Variants in PTK2 observed in about 807,000 individuals in gnomAD.
PTK2 encodes the protein protein tyrosine kinase 2, also known as focal adhesion kinase 1.
A neutral mutation model predicts 150.1 loss-of-function variants in PTK2; 45 were observed. The observed-to-expected ratio is 0.30, with a 90% CI of 0.24 to 0.38. The LOEUF is 0.38. Among genes scored for constraint, PTK2 ranks in the 10% least tolerant of loss-of-function variants. The probability of loss-of-function intolerance (pLI) is 1.00; values close to 1 mark genes in which losing one functional copy is unlikely to be tolerated. For missense variants in PTK2, 919 were observed against 1,307.3 expected, an observed-to-expected ratio of 0.70 and a Z score of 4.58; for synonymous variants, 432 against 449.2, an observed-to-expected ratio of 0.96 and a Z score of 0.48.
At chr8:140,864,579 A>T (rs2100138186) in intron 4 of PTK2, among the ~76,000 whole-genome samples, 180 bp from the exon 5 acceptor site, 3 of 152,230 alleles carry the variant, frequency 2.0e-5, no homozygotes, top group African/African-American at 7.2e-5. Context: ...AAAAAAGAGC[A>T]CATATCATAA....
At chr8:140,805,315 C>T (rs1373400279) in intron 10 of PTK2, among the ~76,000 whole-genome samples, 2 of 152,120 alleles carry the variant, frequency 1.3e-5, no homozygotes, top group African/African-American at 4.8e-5. Flanking sequence ...AATCCCTGCA[C>T]TTTGGTAGGA....
rs373370222 is a variant in PTK2, at chr8:140,681,003, T to G, written c.2563-5504A>C. 2.8e-4 allele frequency among the ~76,000 whole-genome samples: 43 copies of G among 152,308 alleles called. No homozygotes were observed. In the East Asian group the frequency reaches 6.4e-3, roughly 23 times the overall value. On this transcript the variant is annotated intron_variant, in intron 27 of 31. Coordinates refer to ENST00000522684, the Ensembl canonical transcript of PTK2. The stretch of plus-strand genomic sequence containing the variant: ...CAGCAAATGTTTAAGGAAATCTGCA[T>G]TTAACTTAAACAGACATCTGCTGAT...
chr8:140,724,511 A>G (rs2100044691), intron 22 of PTK2, among the ~76,000 whole-genome samples: 1 of 152,230 alleles, frequency 6.6e-6, no homozygotes, highest in Non-Finnish European at 1.5e-5. Context: ...GGATTTTGAT[A>G]CTTAAAGGAA....
In PTK2 at chr8:140,728,041, C is replaced by A. The variant is rs970925517; in HGVS notation, c.2030+7210G>T. Among the ~76,000 whole-genome samples, 24 of 151,478 alleles carry A rather than the reference C, an allele frequency of 1.6e-4. 1 individual carries two copies. Among genetic ancestry groups the A allele is most frequent in the Admixed American group, 1.6e-3 (24 of 15,200 alleles). On this transcript the variant is annotated intron_variant, in intron 22 of 31. Coordinates refer to ENST00000522684, the Ensembl canonical transcript of PTK2. The stretch of plus-strand genomic sequence containing the variant: ...CGAAACCCTGTCTCTACTAAAAATA[C>A]AAAAAAAAGTAGCCCAGCACAGTGG...
chr8:140,846,791 A>AT, intron 5 of PTK2, 113 bp from the exon 6 acceptor site: 1 of 665,020 alleles, frequency 1.5e-6, no homozygotes, highest in Non-Finnish European at 2.5e-6. Flanking sequence ...TATGTCGGTA[A>AT]TTACGCTTGA....
chr8:140,914,262 T>C (rs2100164315), intron 2 of PTK2, among the ~76,000 whole-genome samples: 1 of 152,176 alleles, frequency 6.6e-6, no homozygotes, highest in Admixed American at 6.5e-5. Context: ...AAGTTAGATT[T>C]TTCTCTAACT....
At chr8:140,996,331 G>A (rs1020804300) in intron 1 of PTK2, among the ~76,000 whole-genome samples, 1 of 152,228 alleles carries the variant, frequency 6.6e-6, no homozygotes, top group African/African-American at 2.4e-5. Context: ...GCATAAAAGT[G>A]CAAGATGAAG....
chr8:140,906,725 A>T (rs1390620784), intron 2 of PTK2, among the ~76,000 whole-genome samples: 1 of 152,152 alleles, frequency 6.6e-6, no homozygotes, highest in African/African-American at 2.4e-5. Context: ...GTTAGAAGGA[A>T]TAAGTTCTAG....
chr8:140,799,865 T>C (rs2100093905), intron 12 of PTK2, among the ~76,000 whole-genome samples: 1 of 152,228 alleles, frequency 6.6e-6, no homozygotes, highest in African/African-American at 2.4e-5. Flanking sequence ...ACACTATGTA[T>C]GCTATTATCC....
chr8:140,872,417 A>G (rs545411379), intron 4 of PTK2, among the ~76,000 whole-genome samples: 14 of 152,332 alleles, frequency 9.2e-5, no homozygotes, highest in African/African-American at 3.4e-4. Flanking sequence ...TATGTTGACC[A>G]TAAGTGAATA....
chr8:140,962,885 A>G (rs2154609439), intron 1 of PTK2, among the ~76,000 whole-genome samples: 1 of 150,190 alleles, frequency 6.7e-6, no homozygotes, highest in East Asian at 2.0e-4. Flanking sequence ...CCCCCCCCCA[A>G]CCCAACCTAC....
chr8:140,993,386 G>A (rs898859850), intron 1 of PTK2, among the ~76,000 whole-genome samples: 7 of 152,158 alleles, frequency 4.6e-5, no homozygotes, highest in Admixed American at 4.6e-4. Context: ...GCAAGTAACA[G>A]TTCTCCAATA....
At chr8:140,715,785 A>T (rs961038092) in intron 23 of PTK2, among the ~76,000 whole-genome samples, 1 of 83,894 alleles carries the variant, frequency 1.2e-5, no homozygotes, top group African/African-American at 3.3e-5. Flanking sequence ...ATATCTTTTA[A>T]AAAAAAAAGT....
intron 8 of PTK2, among the ~76,000 whole-genome samples, chr8:140,828,092 G>A (rs1009461908): frequency 2.6e-5 from 4 of 151,876 alleles, no homozygotes; most frequent in African/African-American, 9.7e-5. Flanking sequence ...GCTTGAACCG[G>A]GAGGAGGAGG....
At chr8:140,917,194 C>T (rs1203220507) in intron 2 of PTK2, among the ~76,000 whole-genome samples, 2 of 152,056 alleles carry the variant, frequency 1.3e-5, no homozygotes, top group Non-Finnish European at 2.9e-5. Context: ...AGTTCGAGAC[C>T]AGCCTGGCCA....
At chr8:140,840,273 T>C (rs1598159535) in intron 7 of PTK2, among the ~76,000 whole-genome samples, 1 of 152,224 alleles carries the variant, frequency 6.6e-6, no homozygotes, top group Non-Finnish European at 1.5e-5. Context: ...CTATCCGTGC[T>C]GGTCAAGCCA....
intron 4 of PTK2, among the ~76,000 whole-genome samples, chr8:140,864,936 C>T (rs763971385): frequency 1.3e-5 from 2 of 151,984 alleles, no homozygotes; most frequent in Non-Finnish European, 2.9e-5. Flanking sequence ...GCATATATAC[C>T]TAGGAGCACT....
At chr8:140,824,148 A>G (rs1401403871) in intron 8 of PTK2, among the ~76,000 whole-genome samples, 1 of 152,240 alleles carries the variant, frequency 6.6e-6, no homozygotes, top group Non-Finnish European at 1.5e-5. Context: ...GTGTGGTGGT[A>G]AAGAACTCAA....
chr8:140,668,411 T>G (rs1488513998), exon 30 of PTK2: 1 of 1,611,568 alleles, frequency 6.2e-7, no homozygotes, highest in Non-Finnish European at 8.5e-7. Context: ...GGGGCTGATT[T>G]CCTGGGGCTG....
Sources: gnomAD v4.1 joint callset for allele counts (sites outside exome capture counted in the v4.1 genomes callset) on GRCh38, gnomAD v4.1.1 for gene constraint, MANE v1.5 for transcripts, NCBI Gene and HGNC (gene_info 2026-07-23, HGNC 2026-07-21) for gene names.